The following EXOC4 variants were observed in gnomAD, a reference collection of about 807,000 sequenced individuals.
EXOC4 encodes SEC8-like 1.
EXOC4 carries 71 observed loss-of-function variants against 107.2 expected under a neutral mutation model. The ratio of observed to expected loss-of-function variants is 0.66; its 90% confidence interval spans 0.55 to 0.81. The LOEUF (loss-of-function observed/expected upper bound fraction) is 0.81. Among genes scored for constraint, EXOC4 ranks in the 30% least tolerant of loss-of-function variants. EXOC4 has a pLI of 0.00. For synonymous variants in EXOC4, 456 were observed against 441.2 expected, an observed-to-expected ratio of 1.03 and a Z score of -0.42; for missense variants, 1,108 against 1,189.6, an observed-to-expected ratio of 0.93 and a Z score of 1.01.
At chr7:133,874,302 C>T (rs1355465356) in intron 11 of EXOC4, among the ~76,000 whole-genome samples, 2 of 152,180 alleles carry the variant, frequency 1.3e-5, no homozygotes, top group Admixed American at 1.3e-4. Flanking sequence ...ATGGAAAAGT[C>T]ATATAAAGCA....
rs1297847918 is a variant in EXOC4 at position 133,405,793 on chromosome 7, A to G, written c.1182+30791A>G. On this transcript the variant is annotated intron_variant, in intron 7 of 17. Transcript: ENST00000253861. ...AAAGTTATGTGAATATGCGCTTGGG[A>G]ACTCTTTCATGCACACACTGTCTTG... is the stretch of plus-strand genomic sequence containing the variant. 2.0e-5 allele frequency among the ~76,000 whole-genome samples: 3 copies of G among 152,308 alleles called. No homozygotes were observed. In the South Asian group the frequency reaches 6.2e-4, roughly 32 times the overall value.
chr7:133,576,275 G>A (rs1801124671), intron 9 of EXOC4, among the ~76,000 whole-genome samples: 1 of 151,958 alleles, frequency 6.6e-6, no homozygotes, highest in Admixed American at 6.5e-5. Flanking sequence ...TTTATTTTTT[G>A]CCTGAGAATT....
intron 9 of EXOC4, among the ~76,000 whole-genome samples, chr7:133,555,741 T>A (rs1033570257): frequency 6.6e-6 from 1 of 152,002 alleles, no homozygotes; most frequent in African/African-American, 2.4e-5. Context: ...GGCATACTGC[T>A]ACATAGCATG....
rs1186165891 is a variant in EXOC4 at position 133,971,361 on chromosome 7, TAGAGAGAG to T, written c.2207-26097_2207-26090del. 3.5e-3 allele frequency among the ~76,000 whole-genome samples: 264 copies of T among 74,992 alleles called. 1 individual carries two copies. Among genetic ancestry groups the T allele is most frequent in the South Asian group, 6.8e-3 (13 of 1,906 alleles). The allele number at this position is 74,992 out of a possible 152,430, so 49.2% of individuals were successfully genotyped here. On this transcript the variant is annotated intron_variant, in intron 14 of 17. Transcript: ENST00000253861. ...ATATATATATATATATATATATATA[TAGAGAGAG>T]AGAGAGAGAGAGAGAGAGAGAGAGA...
At chr7:133,281,989 G>A (rs577941925) in intron 2 of EXOC4, among the ~76,000 whole-genome samples, 2 of 152,204 alleles carry the variant, frequency 1.3e-5, no homozygotes, top group African/African-American at 2.4e-5. Flanking sequence ...AGGCGAGAGC[G>A]ATCACGCCCA....
chr7:133,864,080 G>A (rs1344191245), intron 11 of EXOC4, among the ~76,000 whole-genome samples: 1 of 152,084 alleles, frequency 6.6e-6, no homozygotes, highest in Non-Finnish European at 1.5e-5. Flanking sequence ...ATCTCTGATG[G>A]CTAATTTGCA....
intron 10 of EXOC4, among the ~76,000 whole-genome samples, chr7:133,746,115 A>G (rs1030854521): frequency 1.3e-5 from 2 of 152,096 alleles, no homozygotes; most frequent in African/African-American, 2.4e-5. Flanking sequence ...CTCATATTAC[A>G]TGTTCACTTG....
At chr7:133,750,612 A>C (rs1795776905) in intron 10 of EXOC4, among the ~76,000 whole-genome samples, 1 of 149,608 alleles carries the variant, frequency 6.7e-6, no homozygotes, top group Non-Finnish European at 1.5e-5. Context: ...ATAGGGCCTC[A>C]TTCTGTCTCC....
chr7:133,926,588 T>C (rs921084161), intron 13 of EXOC4, among the ~76,000 whole-genome samples: 1 of 152,216 alleles, frequency 6.6e-6, no homozygotes, highest in Admixed American at 6.5e-5. Flanking sequence ...ATATAGGTGC[T>C]TTAAAACTGC....
At chr7:133,591,547 GGT>G (rs199675433) in intron 9 of EXOC4, among the ~76,000 whole-genome samples, 1,097 of 59,226 alleles carry the variant, frequency 0.019, 3 homozygotes, top group African/African-American at 0.034. Flanking sequence ...TTAAAGATCT[GGT>G]GTGTGTGTGT....
chr7:133,390,831 C>G (rs1289306945), intron 7 of EXOC4, among the ~76,000 whole-genome samples: 2 of 152,142 alleles, frequency 1.3e-5, no homozygotes, highest in East Asian at 1.9e-4. Flanking sequence ...TTAACAGCAT[C>G]TTATTTACTC....
chr7:133,484,321 G>A (rs1799225389), intron 9 of EXOC4: 1 of 604,442 alleles, frequency 1.7e-6, no homozygotes, highest in Non-Finnish European at 2.6e-6. Context: ...TTCAAAATGT[G>A]TGAGATACCA....
rs111252809 is a variant in EXOC4 at position 133,392,550 on chromosome 7, G to C, written c.1182+17548G>C. ...GCTGGCCTCTTTGGGAGTGAATGAT[G>C]GTTTTATTTTCCCCTCTTCCCCCAG... is the stretch of plus-strand genomic sequence containing the variant. On this transcript the variant is annotated intron_variant, in intron 7 of 17. Coordinates refer to ENST00000253861, the MANE Select transcript of EXOC4 (RefSeq NM_021807.4). Among the ~76,000 whole-genome samples the C allele has an allele frequency of 1.6e-3, 248 of 152,164 alleles. 1 individual carries two copies. The highest frequency in any genetic ancestry group is 5.8e-3 in the African/African-American group (240 of 41,512).
chr7:134,012,248 G>C (rs1309566220), intron 17 of EXOC4, among the ~76,000 whole-genome samples: 3 of 152,182 alleles, frequency 2.0e-5, no homozygotes, highest in African/African-American at 7.2e-5. Context: ...TGTTAGTTGG[G>C]GAGGGGAGGT....
At chr7:133,881,721 C>CT (rs1208073015) in intron 11 of EXOC4, among the ~76,000 whole-genome samples, 5 of 152,116 alleles carry the variant, frequency 3.3e-5, no homozygotes, top group African/African-American at 9.7e-5. Flanking sequence ...GCTGAGTTCC[C>CT]TGCTGTTTCC....
chr7:133,917,464 A>G, intron 12 of EXOC4, 119 bp from the exon 13 acceptor site: 1 of 939,780 alleles, frequency 1.1e-6, no homozygotes. Flanking sequence ...TAGATAATGG[A>G]TTATGTTCAA....
chr7:133,813,524 G>T (rs1752700873), intron 10 of EXOC4, among the ~76,000 whole-genome samples: 1 of 152,128 alleles, frequency 6.6e-6, no homozygotes, highest in African/African-American at 2.4e-5. Flanking sequence ...AGTAGACTAG[G>T]ATGCACCTGG....
At chr7:133,412,784 A>C (rs1797392541) in intron 7 of EXOC4, among the ~76,000 whole-genome samples, 1 of 152,156 alleles carries the variant, frequency 6.6e-6, no homozygotes, top group African/African-American at 2.4e-5. Flanking sequence ...AATCATATTA[A>C]AATTTAATGG....
rs190565325 is a variant in EXOC4, at chr7:133,842,827, C to G, written c.1734+25283C>G. 2.4e-3 allele frequency among the ~76,000 whole-genome samples: 364 copies of G among 152,066 alleles called. 5 individuals carry two copies. Among genetic ancestry groups the G allele is most frequent in the African/African-American group, 8.2e-3 (341 of 41,504 alleles). On this transcript the variant is annotated intron_variant, in intron 11 of 17. Coordinates refer to ENST00000253861, the MANE Select transcript of EXOC4 (RefSeq NM_021807.4). ...TGATTTTTGTGTATGGTATAAATAA[C>G]GAAGGGGTCCAGTTTCAATCTAATG...
Sources: gnomAD v4.1 joint callset for allele counts (sites outside exome capture counted in the v4.1 genomes callset) on GRCh38, gnomAD v4.1.1 for gene constraint, MANE v1.5 for transcripts, NCBI Gene and HGNC (gene_info 2026-07-23, HGNC 2026-07-21) for gene names.